Variants in IRF2 observed in about 807,000 individuals in gnomAD.
IRF2 encodes the protein interferon regulatory factor 2.
IRF2 carries 15 observed loss-of-function variants against 40.6 expected under a neutral mutation model. The ratio of observed to expected loss-of-function variants is 0.37; its 90% CI spans 0.25 to 0.57. The LOEUF (loss-of-function observed/expected upper bound fraction) is 0.57, where lower values mean the gene tolerates loss of function less well. IRF2 is among the 20% of genes least tolerant of loss of function. The pLI, the probability that IRF2 is intolerant of heterozygous loss-of-function variation, is 0.77. For synonymous variants in IRF2, 151 were observed against 165.5 expected, an observed-to-expected ratio of 0.91 and a Z score of 0.67; for missense variants, 317 against 455.7, an observed-to-expected ratio of 0.70 and a Z score of 2.77.
chr4:184,458,822 T>C (rs935351179), intron 1 of IRF2, among the ~76,000 whole-genome samples: 1 of 152,248 alleles, frequency 6.6e-6, no homozygotes, highest in Admixed American at 6.5e-5. Context: ...TTTGCTTCCA[T>C]ACAGTTGTGA....
chr4:184,399,077 C>T lies in IRF2; in HGVS notation c.532G>A (p.Val178Ile). Reference protein sequence around the residue: ...EVDSTVNIIVVGQSHLDSNIE... With the variant: ...EVDSTVNIIVIGQSHLDSNIE... ...TTGCTGTCCAGATGGGACTGTCCTA[C>T]AACTTCAAAGAAAAGACAGCCATCA... The change falls in exon 7 of 9, where the codon GTA becomes ATA. Residue 178 changes from valine (V) to isoleucine (I), a missense_variant and splice_region_variant. Val to Ile is a conservative substitution (Grantham distance 29). Coordinates refer to ENST00000393593, the MANE Select transcript of IRF2 (RefSeq NM_002199.4). 2 of 1,587,010 alleles carry T rather than the reference C, an allele frequency of 1.3e-6. No individual in the cohort carries two copies. The highest frequency in any genetic ancestry group is 2.3e-5 in the South Asian group (2 of 87,602).
intron 6 of IRF2, among the ~76,000 whole-genome samples, chr4:184,399,394 G>A (rs1736587240): frequency 6.6e-6 from 1 of 152,232 alleles, no homozygotes; most frequent in Non-Finnish European, 1.5e-5. Flanking sequence ...CAGGACCAGA[G>A]GCGGCATCCA....
At chr4:184,431,666 C>T (rs776458927) in intron 1 of IRF2, among the ~76,000 whole-genome samples, 15 of 152,050 alleles carry the variant, frequency 9.9e-5, no homozygotes, top group Non-Finnish European at 2.1e-4. Context: ...ATAGTGGTCA[C>T]GAGTAGAGAG....
intron 6 of IRF2, chr4:184,407,135 C>A (rs1228558348): frequency 8.0e-7 from 1 of 1,250,402 alleles, no homozygotes; most frequent in South Asian, 1.2e-5. Context: ...AAACTTTTTA[C>A]ACTGCCCGGG....
intron 1 of IRF2, among the ~76,000 whole-genome samples, chr4:184,433,260 G>A (rs568724040): frequency 1.1e-4 from 17 of 152,304 alleles, no homozygotes; most frequent in South Asian, 4.1e-4. Context: ...CCAGGCGACC[G>A]CTGTGGTCTG....
intron 6 of IRF2, among the ~76,000 whole-genome samples, chr4:184,400,393 T>A (rs1254305381): frequency 2.6e-5 from 4 of 152,202 alleles, no homozygotes; most frequent in Admixed American, 6.5e-5. Context: ...TGTGTATCAG[T>A]CATCGGTTCC....
chr4:184,414,379 T>C (rs960451698), intron 5 of IRF2, among the ~76,000 whole-genome samples: 1 of 152,234 alleles, frequency 6.6e-6, no homozygotes, highest in Admixed American at 6.5e-5. Flanking sequence ...TCCTGCTCTG[T>C]TGCCCAGGCT....
chr4:184,396,851 C>T (rs1006662296), intron 7 of IRF2, among the ~76,000 whole-genome samples: 2 of 152,120 alleles, frequency 1.3e-5, no homozygotes, highest in Non-Finnish European at 2.9e-5. Flanking sequence ...GCCCGTAATC[C>T]CAGCACTTTG....
At chr4:184,453,228 AT>A (rs777464798) in intron 1 of IRF2, among the ~76,000 whole-genome samples, 1 of 152,186 alleles carries the variant, frequency 6.6e-6, no homozygotes, top group Non-Finnish European at 1.5e-5. Context: ...TTCTAGAAAA[AT>A]TTATGCAAGG....
intron 1 of IRF2, among the ~76,000 whole-genome samples, chr4:184,440,095 G>A (rs1174497584): frequency 6.6e-6 from 1 of 152,212 alleles, no homozygotes; most frequent in African/African-American, 2.4e-5. Flanking sequence ...ACACGAATGG[G>A]AAAGCAGCTA....
chr4:184,402,807 C>T (rs909891688), intron 6 of IRF2, among the ~76,000 whole-genome samples: 5 of 152,206 alleles, frequency 3.3e-5, no homozygotes, highest in African/African-American at 9.6e-5. Context: ...AGGGAGGAAA[C>T]GTGTTGGGGT....
chr4:184,445,758 T>C (rs1358596885), intron 1 of IRF2, among the ~76,000 whole-genome samples: 4 of 152,078 alleles, frequency 2.6e-5, no homozygotes, highest in Non-Finnish European at 5.9e-5. Context: ...ACCCTTCCTT[T>C]ATGAATGATT....
chr4:184,443,438 G>T (rs972169419), intron 1 of IRF2, among the ~76,000 whole-genome samples: 1 of 152,020 alleles, frequency 6.6e-6, no homozygotes, highest in Non-Finnish European at 1.5e-5. Context: ...TCAGTGTTTA[G>T]CTCCGTCTTA....
intron 1 of IRF2, among the ~76,000 whole-genome samples, chr4:184,430,239 A>T (rs2149904515): frequency 6.8e-6 from 1 of 146,360 alleles, no homozygotes; most frequent in East Asian, 2.1e-4. Context: ...TCCTTCCGTG[A>T]CCCCCAGCCC....
chr4:184,453,407 C>T (rs1170257848), intron 1 of IRF2, among the ~76,000 whole-genome samples: 6 of 152,210 alleles, frequency 3.9e-5, no homozygotes, highest in Admixed American at 1.3e-4. Flanking sequence ...CATATGGACT[C>T]GAGCACATAC....
chr4:184,403,682 A>T (rs1736749743), intron 6 of IRF2, among the ~76,000 whole-genome samples: 1 of 152,260 alleles, frequency 6.6e-6, no homozygotes, highest in South Asian at 2.1e-4. Context: ...TCTCCCTAAC[A>T]GAGAGAGTTA....
intron 3 of IRF2, 58 bp downstream of exon 3, chr4:184,419,410 TA>T: frequency 8.4e-7 from 1 of 1,185,588 alleles, no homozygotes; most frequent in South Asian, 1.2e-5. Context: ...TTATGTGTAA[TA>T]AAAACAAAAC....
At chr4:184,395,125 G>A (rs904030200) in intron 7 of IRF2, among the ~76,000 whole-genome samples, 1 of 152,146 alleles carries the variant, frequency 6.6e-6, no homozygotes, top group African/African-American at 2.4e-5. Context: ...AAGGTGGTCA[G>A]AGCATGCCGG....
At chr4:184,417,474 C>G (rs1737322572) in intron 5 of IRF2, among the ~76,000 whole-genome samples, 1 of 152,196 alleles carries the variant, frequency 6.6e-6, no homozygotes, top group Non-Finnish European at 1.5e-5. Flanking sequence ...GCCACTGAAG[C>G]TCGTCCCCAG....
Sources: allele counts gnomAD v4.1 joint callset (sites outside exome capture counted in the v4.1 genomes callset), GRCh38; gene constraint gnomAD v4.1.1; transcripts MANE v1.5; gene names NCBI Gene and HGNC (gene_info 2026-07-23, HGNC 2026-07-21).